ZNF407: variants seen among roughly 807,000 people sequenced by gnomAD.
ZNF407 encodes zinc finger protein 407.
Under a neutral mutation model 131.2 loss-of-function variants are expected in ZNF407, and 17 were observed. The observed-to-expected ratio is 0.13, with a 90% CI of 0.09 to 0.19. The LOEUF (loss-of-function observed/expected upper bound fraction) is 0.19, where lower values mean the gene tolerates loss of function less well. ZNF407 is among the 10% of genes least tolerant of loss of function. ZNF407 has a pLI of 1.00. For synonymous variants in ZNF407, 1,156 were observed against 1,062.0 expected, an observed-to-expected ratio of 1.09 and a Z score of -1.72; for missense variants, 2,681 against 2,830.6, an observed-to-expected ratio of 0.95 and a Z score of 1.20.
At chr18:75,025,530 A>G (rs758442921) in intron 8 of ZNF407, among the ~76,000 whole-genome samples, 1 of 152,114 alleles carries the variant, frequency 6.6e-6, no homozygotes, top group South Asian at 2.1e-4. Flanking sequence ...GGTCTGTGCA[A>G]TGTGTACAAC....
At chr18:74,608,953 A>G (rs1982932249) in intron 1 of ZNF407, among the ~76,000 whole-genome samples, 1 of 152,050 alleles carries the variant, frequency 6.6e-6, no homozygotes, top group South Asian at 2.1e-4. Context: ...TTTGTGATTA[A>G]TGACTCATTT....
chr18:74,845,794 A>C (rs1166101047), intron 4 of ZNF407, among the ~76,000 whole-genome samples: 1 of 152,238 alleles, frequency 6.6e-6, no homozygotes. Flanking sequence ...GGGGAGATAC[A>C]TAATAGCAGA....
At chr18:75,002,512 A>G (rs778887073) in intron 8 of ZNF407, among the ~76,000 whole-genome samples, 18 of 152,196 alleles carry the variant, frequency 1.2e-4, no homozygotes, top group Non-Finnish European at 1.9e-4. Flanking sequence ...TTTCTTAGAA[A>G]GAGGTCAGGG....
At chr18:74,803,277 G>T (rs1287323406) in intron 4 of ZNF407, among the ~76,000 whole-genome samples, 1 of 152,186 alleles carries the variant, frequency 6.6e-6, no homozygotes, top group Non-Finnish European at 1.5e-5. Flanking sequence ...GCACTGTGGT[G>T]GTTGTGGGTT....
chr18:74,855,822 G>A (rs1403379618), intron 4 of ZNF407, among the ~76,000 whole-genome samples: 2 of 152,156 alleles, frequency 1.3e-5, no homozygotes, highest in African/African-American at 4.8e-5. Flanking sequence ...AGGGAGGGTG[G>A]AAACACCTAA....
intron 3 of ZNF407, among the ~76,000 whole-genome samples, chr18:74,764,005 G>A (rs1271620203): frequency 8.6e-5 from 13 of 151,872 alleles, no homozygotes; most frequent in African/African-American, 2.4e-4. Context: ...GAGCCACCGC[G>A]CCCGGCCATC....
chr18:74,963,036 C>A (rs114442825), intron 8 of ZNF407, among the ~76,000 whole-genome samples: 2,085 of 152,326 alleles, frequency 0.014, 51 homozygotes, highest in African/African-American at 0.047. Flanking sequence ...CCCCTTCTTC[C>A]AGCAGCCACA....
chr18:75,063,649 G>A lies in ZNF407; in HGVS notation c.5928G>A (p.Ser1976=), dbSNP rs756030288. The A allele has an allele frequency of 1.7e-5, 28 of 1,602,414 alleles. No individual in the cohort carries two copies. Among genetic ancestry groups the A allele is most frequent in the East Asian group, 2.2e-5 (1 of 44,452 alleles). ...CCAAGCAGGAGATTTTAAACCTCTCGGAGGCTGGAGTCGCTCCCCCCGAGG... is the reference window on the plus strand; with the variant it reads ...CCAAGCAGGAGATTTTAAACCTCTCAGAGGCTGGAGTCGCTCCCCCCGAGG... ...QVTKQEILNL[S]EAGVAPPEAS... is the part of the protein sequence containing the mutation. The change falls in exon 9 of 9, where the codon TCG becomes TCA. Residue 1976 remains serine (S), a synonymous_variant. Transcript: ENST00000299687. The surrounding 1 kb of genome is among the most constrained non-coding windows in gnomAD (Gnocchi z 6.6).
intron 3 of ZNF407, among the ~76,000 whole-genome samples, chr18:74,743,353 C>G (rs1968594101): frequency 6.6e-6 from 1 of 151,948 alleles, no homozygotes; most frequent in South Asian, 2.1e-4. Context: ...TTTATCTTGT[C>G]TTGTCAGATC....
intron 3 of ZNF407, among the ~76,000 whole-genome samples, chr18:74,722,637 G>T (rs771342433): frequency 6.6e-6 from 1 of 152,144 alleles, no homozygotes; most frequent in African/African-American, 2.4e-5. Context: ...CCAAGTTGAG[G>T]AGTTGGTGGA....
intron 4 of ZNF407, among the ~76,000 whole-genome samples, chr18:74,809,606 G>T (rs916279764): frequency 6.6e-6 from 1 of 152,168 alleles, no homozygotes; most frequent in Non-Finnish European, 1.5e-5. Flanking sequence ...AGTTAAATAG[G>T]TGGTTAAGAA....
chr18:74,671,821 A>G (rs767404147), intron 3 of ZNF407, among the ~76,000 whole-genome samples: 3 of 152,168 alleles, frequency 2.0e-5, no homozygotes, highest in Non-Finnish European at 4.4e-5. Context: ...ACTGCCTCCC[A>G]CAGACAGTGT....
At chr18:75,002,778 C>T (rs1972862491) in intron 8 of ZNF407, among the ~76,000 whole-genome samples, 1 of 148,484 alleles carries the variant, frequency 6.7e-6, no homozygotes, top group African/African-American at 2.5e-5. Flanking sequence ...GCACTCCAGC[C>T]TGGGCAACAG....
chr18:74,895,341 A>G (rs1471563981), intron 7 of ZNF407, among the ~76,000 whole-genome samples: 1 of 152,126 alleles, frequency 6.6e-6, no homozygotes, highest in Non-Finnish European at 1.5e-5. Flanking sequence ...CTTTGATTTC[A>G]CATCTAAACA....
intron 6 of ZNF407, among the ~76,000 whole-genome samples, 169 bp from the exon 7 acceptor site, chr18:74,889,749 T>C (rs1400836986): frequency 6.6e-6 from 1 of 152,246 alleles, no homozygotes; most frequent in Non-Finnish European, 1.5e-5. Flanking sequence ...CTTCTAATTT[T>C]CTCACTCTGA....
chr18:74,726,384 A>T (rs186003296), intron 3 of ZNF407, among the ~76,000 whole-genome samples: 8 of 152,220 alleles, frequency 5.3e-5, no homozygotes, highest in African/African-American at 1.9e-4. Flanking sequence ...TGTCTGAATC[A>T]TGAGAGCCAA....
Position 74,920,515 on chromosome 18 carries a change from T to G in ZNF407, c.5251T>G (p.Ser1751Ala). Residue 1751 changes from serine (S) to alanine (A), a missense_variant and splice_region_variant, in exon 8 of 9, where the codon TCA (serine) becomes GCA (alanine). Coordinates refer to ENST00000299687, the MANE Select transcript of ZNF407 (RefSeq NM_017757.3). ...TTACTTTTCTGTCTTACTTGGTAGG[T>G]CAAACTGTGCTGAAAATATCCGCAA... ...PYRCPWCDYR[S>A]NCAENIRKHI... The G allele has an allele frequency of 6.4e-7, 1 of 1,573,854 alleles. No individual in the cohort carries two copies. The highest frequency in any genetic ancestry group is 8.7e-7 in the Non-Finnish European group (1 of 1,149,862).
At chr18:74,972,666 T>C (rs1270604304) in intron 8 of ZNF407, among the ~76,000 whole-genome samples, 4 of 152,246 alleles carry the variant, frequency 2.6e-5, no homozygotes, top group Non-Finnish European at 2.9e-5. Flanking sequence ...ATTATTTCAG[T>C]GAACTGACCC....
chr18:74,667,571 C>T (rs1985980677), intron 3 of ZNF407, among the ~76,000 whole-genome samples: 1 of 152,156 alleles, frequency 6.6e-6, no homozygotes, highest in Non-Finnish European at 1.5e-5. Flanking sequence ...ATATGGTGGG[C>T]ACTACTATCT....
Sources: gnomAD v4.1 joint callset for allele counts (sites outside exome capture counted in the v4.1 genomes callset) on GRCh38, gnomAD v4.1.1 for gene constraint, Gnocchi (gnomAD v3.1) non-coding constraint, MANE v1.5 for transcripts, NCBI Gene and HGNC (gene_info 2026-07-23, HGNC 2026-07-21) for gene names.